The following SPATA22 variants were observed in gnomAD, a reference collection of about 807,000 sequenced individuals.
SPATA22 encodes the protein spermatogenesis-associated protein 22.
In SPATA22, 29 loss-of-function variants were observed where a neutral mutation model predicts 47.8. The observed-to-expected ratio is 0.61, with a 90% CI of 0.45 to 0.83. The LOEUF is 0.83. SPATA22 is among the 40% of genes least tolerant of loss of function. The pLI, the probability that SPATA22 is intolerant of heterozygous loss-of-function variation, is 0.00. For synonymous variants in SPATA22, 133 were observed against 140.9 expected (o/e 0.94, Z 0.40); for missense variants, 410 against 421.7 (o/e 0.97, Z 0.24).
chr17:3,451,466 G>C (rs548426824), intron 5 of SPATA22, among the ~76,000 whole-genome samples: 1 of 152,050 alleles, frequency 6.6e-6, no homozygotes, highest in Non-Finnish European at 1.5e-5. Flanking sequence ...GGACCCAAAA[G>C]ACATATATGG....
intron 1 of SPATA22, among the ~76,000 whole-genome samples, chr17:3,504,950 C>T (rs551833076): frequency 6.0e-4 from 92 of 152,324 alleles, no homozygotes; most frequent in African/African-American, 2.1e-3. Flanking sequence ...AGCCTCACCA[C>T]GGCTGTCCAA....
At chr17:3,502,475 G>A (rs1392218555) in intron 1 of SPATA22, 2 of 152,124 alleles carry the variant, frequency 1.3e-5, no homozygotes, top group African/African-American at 4.8e-5. Context: ...TTTATATTTG[G>A]GTTAATGGTA....
chr17:3,477,498 G>A (rs1254067567), intron 1 of SPATA22, among the ~76,000 whole-genome samples: 1 of 152,082 alleles, frequency 6.6e-6, no homozygotes, highest in Non-Finnish European at 1.5e-5. Flanking sequence ...TTGTTGCCCA[G>A]TCTGGAGTGC....
At chr17:3,495,276 G>A (rs1372358096) in intron 1 of SPATA22, among the ~76,000 whole-genome samples, 1 of 152,118 alleles carries the variant, frequency 6.6e-6, no homozygotes, top group South Asian at 2.1e-4. Context: ...TTTCAACCCC[G>A]ACTAACCTTT....
At chr17:3,510,960 C>T (rs2074105031) in intron 1 of SPATA22, 1 of 152,244 alleles carries the variant, frequency 6.6e-6, no homozygotes, top group African/African-American at 2.4e-5. Context: ...TTATTCCTAA[C>T]AGATATATCA....
chr17:3,468,933 C>CTAT lies in SPATA22; in HGVS notation c.43+347_43+349dup, dbSNP rs969437698. 1.5e-5 allele frequency: 12 copies of CTAT among 786,038 alleles called. No individual in the cohort carries two copies. In the African/African-American group the frequency reaches 2.2e-4, roughly 14 times the overall value. The allele number at this position is 786,038 out of a possible 1,614,324, so 48.7% of individuals were successfully genotyped here. A position where few individuals can be genotyped will look rare whatever the true frequency, so the allele number is the denominator to read the frequency against. On this transcript the variant is annotated intron_variant, in intron 2 of 8. Transcript: ENST00000572969. ...GGGAAAGCAAAAATGATAGGAGAAGCTATTAGAAAGACAGAAGTGCTTCCG... is the reference window on the plus strand; with the variant it reads ...GGGAAAGCAAAAATGATAGGAGAAGCTATTATTAGAAAGACAGAAGTGCTTCCG...
At chr17:3,483,735 T>C (rs934385672) in intron 1 of SPATA22, 173 of 764,878 alleles carry the variant, frequency 2.3e-4, no homozygotes, top group Non-Finnish European at 2.9e-4. Flanking sequence ...TGATCTCAGC[T>C]CACTGCAACC....
intron 1 of SPATA22, among the ~76,000 whole-genome samples, chr17:3,486,316 T>C (rs1470236423): frequency 6.6e-6 from 1 of 152,200 alleles, no homozygotes; most frequent in African/African-American, 2.4e-5. Context: ...TCCAAGGCTG[T>C]TCACTATACA....
At chr17:3,463,488 T>G (rs1241383412) in intron 3 of SPATA22, among the ~76,000 whole-genome samples, 1 of 152,108 alleles carries the variant, frequency 6.6e-6, no homozygotes, top group Non-Finnish European at 1.5e-5. Flanking sequence ...AAATATAATA[T>G]AAAAGATAAA....
At chr17:3,486,448 A>G (rs1308499036) in intron 1 of SPATA22, among the ~76,000 whole-genome samples, 1 of 152,194 alleles carries the variant, frequency 6.6e-6, no homozygotes, top group African/African-American at 2.4e-5. Flanking sequence ...CTGCTTTGCA[A>G]TAGACATTTC....
chr17:3,491,747 A>G (rs74783789), intron 1 of SPATA22, among the ~76,000 whole-genome samples: 19,037 of 151,052 alleles, frequency 0.13, 1,416 homozygotes, highest in East Asian at 0.23. Flanking sequence ...GACTGTCTCA[A>G]AAAAAAAAAA....
intron 1 of SPATA22, among the ~76,000 whole-genome samples, chr17:3,477,281 A>G (rs1313632510): frequency 6.6e-6 from 1 of 152,252 alleles, no homozygotes; most frequent in Non-Finnish European, 1.5e-5. Flanking sequence ...TAAAGACACC[A>G]TCTGAATTTT....
At chr17:3,465,817 G>T (rs1056089308) in intron 3 of SPATA22, among the ~76,000 whole-genome samples, 3 of 134,142 alleles carry the variant, frequency 2.2e-5, no homozygotes, top group African/African-American at 7.7e-5. Flanking sequence ...CAACACTGAT[G>T]CAGTCCTATC....
Position 3,449,156 on chromosome 17 carries a change from T to C in SPATA22, c.330-7A>G, listed in dbSNP as rs1262496364. 6 of 1,525,494 alleles carry C rather than the reference T, an allele frequency of 3.9e-6. No individual in the cohort carries two copies. The highest frequency in any genetic ancestry group is 1.7e-4 in the Middle Eastern group (1 of 5,724). The allele number at this position is 1,525,494 out of a possible 1,614,324, so 94.5% of individuals were successfully genotyped here. A position where few individuals can be genotyped will look rare whatever the true frequency, so the allele number is the denominator to read the frequency against. ...TTTGTTACCATCTCTGTAGCTGTAA[T>C]AGTGCAAAAAAAAAGCATTTGTTTC... is the stretch of plus-strand genomic sequence containing the variant. On this transcript the variant is annotated splice_region_variant and splice_polypyrimidine_tract_variant and intron_variant, in intron 5 of 8. Transcript: ENST00000572969.
rs1343143695 is a variant in SPATA22, at chr17:3,488,519, T to C, written c.-73-19121A>G. On this transcript the variant is annotated intron_variant, in intron 1 of 8. Coordinates refer to the SPATA22 transcript ENST00000541913. The surrounding 1 kb of genome is among the most constrained non-coding windows in gnomAD (Gnocchi z 6.1). ...TAAAAATATAAAAATAAGCCAGGAA[T>C]GGTGGCCCGTGCCTGTAATCCCAGC... 6.6e-6 allele frequency among the ~76,000 whole-genome samples: 1 copy of C among 152,066 alleles called. No homozygotes were observed. Among genetic ancestry groups the C allele is most frequent in the Non-Finnish European group, 1.5e-5 (1 of 68,002 alleles).
intron 1 of SPATA22, among the ~76,000 whole-genome samples, chr17:3,497,760 G>A (rs748380362): frequency 1.1e-4 from 17 of 152,164 alleles, no homozygotes; most frequent in Admixed American, 2.0e-4. Context: ...GGTCTGCTGC[G>A]CATAATGAAA....
chr17:3,447,351 G>T (rs1172427149), intron 6 of SPATA22, among the ~76,000 whole-genome samples: 1 of 152,100 alleles, frequency 6.6e-6, no homozygotes, highest in Non-Finnish European at 1.5e-5. Flanking sequence ...CTTTGTGAGG[G>T]TGAGGGTTGT....
In SPATA22 at chr17:3,485,949, T is replaced by TTG; in HGVS notation, c.-73-16552_-73-16551insCA. Among the ~76,000 whole-genome samples, 1 of 141,612 alleles carries TTG rather than the reference T, an allele frequency of 7.1e-6. No homozygotes were observed. The highest frequency in any genetic ancestry group is 2.5e-5 in the African/African-American group (1 of 39,944). The allele number at this position is 141,612 out of a possible 152,430, so 92.9% of individuals were successfully genotyped here. Reference sequence around the variant, plus strand: ...AGGAGGGAACCTTTTTTTTTTTTTTTGAGACGGAGTTTCGCTCTTGTTGCC... The same window carrying TTG: ...AGGAGGGAACCTTTTTTTTTTTTTTTTGGAGACGGAGTTTCGCTCTTGTTGCC... On this transcript the variant is annotated intron_variant, in intron 1 of 8. Transcript: ENST00000541913. This position sits in a 1 kb window ranked among gnomAD's most constrained non-coding sequence, Gnocchi z 4.4.
At chr17:3,455,441 A>C (rs1246344003) in intron 5 of SPATA22, among the ~76,000 whole-genome samples, 1 of 149,912 alleles carries the variant, frequency 6.7e-6, no homozygotes, top group African/African-American at 2.5e-5. Context: ...CTAATGTTTA[A>C]GTCTTTAATC....
Sources: allele counts gnomAD v4.1 joint callset (sites outside exome capture counted in the v4.1 genomes callset), GRCh38; gene constraint gnomAD v4.1.1; non-coding constraint Gnocchi (gnomAD v3.1); transcripts MANE v1.5; gene names NCBI Gene and HGNC (gene_info 2026-07-23, HGNC 2026-07-21).